ACCSL: variants seen among roughly 807,000 people sequenced by gnomAD.
ACCSL encodes probable inactive 1-aminocyclopropane-1-carboxylate synthase-like protein 2.
Under a neutral mutation model 61.7 loss-of-function variants are expected in ACCSL, and 55 were observed. That is an observed-to-expected ratio of 0.89 (90% CI 0.72 to 1.12). The LOEUF (loss-of-function observed/expected upper bound fraction) is 1.12. Ranked by LOEUF, ACCSL falls within the 50% of genes most tolerant of loss-of-function variation. The pLI, the probability that ACCSL is intolerant of heterozygous loss-of-function variation, is 0.00. For synonymous variants in ACCSL, 258 were observed against 264.3 expected, an observed-to-expected ratio of 0.98 and a Z score of 0.23; for missense variants, 632 against 698.0, an observed-to-expected ratio of 0.91 and a Z score of 1.07.
At chr11:43,933,040 T>G in the ACCSL span, 2 of 455,042 alleles carry the variant, frequency 4.4e-6, no homozygotes, top group African/African-American at 4.0e-5. Context: ...CCTCTGACCC[T>G]CTTGCTTCTG....
the ACCSL span, among the ~76,000 whole-genome samples, chr11:44,041,928 T>C: frequency 6.6e-6 from 1 of 152,218 alleles, no homozygotes; most frequent in African/African-American, 2.4e-5. Flanking sequence ...GGTATCTTTT[T>C]AGCATCTATA....
chr11:43,942,874 G>A, the ACCSL span: 4 of 1,265,030 alleles, frequency 3.2e-6, no homozygotes, highest in African/African-American at 1.6e-5. Flanking sequence ...CCGGCGCCCC[G>A]CCGCCCGGCC....
chr11:43,995,838 A>G, the ACCSL span, among the ~76,000 whole-genome samples: 1 of 152,252 alleles, frequency 6.6e-6, no homozygotes, highest in Non-Finnish European at 1.5e-5. Context: ...AGAGCCATGT[A>G]TTATGAGTTG....
chr11:44,009,203 G>T, the ACCSL span, among the ~76,000 whole-genome samples: 1 of 151,958 alleles, frequency 6.6e-6, no homozygotes, highest in Non-Finnish European at 1.5e-5. Context: ...AATGCCTAGT[G>T]CTCCATAAAT....
intron 8 of ACCSL, 99 bp downstream of exon 8, chr11:44,053,605 G>A (rs1181125396): frequency 2.5e-5 from 28 of 1,122,966 alleles, no homozygotes; most frequent in Non-Finnish European, 3.6e-5. Context: ...GCACATGCCT[G>A]TAATCCCAGC....
the ACCSL span, among the ~76,000 whole-genome samples, chr11:44,002,379 T>C: frequency 6.6e-6 from 1 of 152,202 alleles, no homozygotes. Context: ...TGACCCACTC[T>C]TTGGAAGAAG....
chr11:44,018,705 T>C, the ACCSL span, among the ~76,000 whole-genome samples: 1 of 152,242 alleles, frequency 6.6e-6, no homozygotes, highest in South Asian at 2.1e-4. Context: ...ACCTTTTTCA[T>C]GCCTGTAATC....
chr11:43,962,846 C>G, the ACCSL span, among the ~76,000 whole-genome samples: 1 of 152,174 alleles, frequency 6.6e-6, no homozygotes, highest in Non-Finnish European at 1.5e-5. Context: ...AACTGCTTAG[C>G]GTCACCAGAT....
At chr11:44,026,767 T>A in the ACCSL span, among the ~76,000 whole-genome samples, 1 of 152,182 alleles carries the variant, frequency 6.6e-6, no homozygotes, top group Non-Finnish European at 1.5e-5. Flanking sequence ...TTCACTCTTG[T>A]TGCCCAAGCT....
At chr11:44,035,587 A>C in the ACCSL span, among the ~76,000 whole-genome samples, 32 of 152,296 alleles carry the variant, frequency 2.1e-4, no homozygotes, top group African/African-American at 7.5e-4. Flanking sequence ...AGATCTTCAC[A>C]GTCTGGGTCT....
the ACCSL span, among the ~76,000 whole-genome samples, chr11:43,999,130 A>G: frequency 6.6e-6 from 1 of 152,180 alleles, no homozygotes; most frequent in South Asian, 2.1e-4. Flanking sequence ...GAGATATTGA[A>G]TGTTAAGCGC....
the ACCSL span, chr11:43,943,594 C>T: frequency 7.6e-7 from 1 of 1,309,534 alleles, no homozygotes; most frequent in Non-Finnish European, 1.0e-6. The surrounding 1 kb of genome is among the most constrained non-coding windows in gnomAD (Gnocchi z 4.8). Flanking sequence ...GGTAGCCACT[C>T]CATGCCCTTG....
At chr11:43,978,789 T>G in the ACCSL span, among the ~76,000 whole-genome samples, 6 of 98,204 alleles carry the variant, frequency 6.1e-5, no homozygotes, top group African/African-American at 2.8e-4. Context: ...GTGGGTTTTT[T>G]TTTTTTTTTT....
At chr11:44,018,857 A>G in the ACCSL span, among the ~76,000 whole-genome samples, 1 of 152,310 alleles carries the variant, frequency 6.6e-6, no homozygotes, top group South Asian at 2.1e-4. Context: ...AAAATATACA[A>G]TTCAGCATTT....
chr11:44,059,371 A>T (rs1419629308), intron 13 of ACCSL, among the ~76,000 whole-genome samples: 5 of 152,224 alleles, frequency 3.3e-5, no homozygotes, highest in Non-Finnish European at 7.3e-5. Context: ...GAGAGTTTAG[A>T]TTCTCCTCTG....
At chr11:43,934,224 A>G in the ACCSL span, among the ~76,000 whole-genome samples, 1 of 152,174 alleles carries the variant, frequency 6.6e-6, no homozygotes, top group Non-Finnish European at 1.5e-5. Flanking sequence ...AAACACTTTT[A>G]TGCTCCCAGT....
chr11:44,017,266 A>G, the ACCSL span, among the ~76,000 whole-genome samples: 1 of 152,162 alleles, frequency 6.6e-6, no homozygotes. Flanking sequence ...ACTAGGTTAG[A>G]AGAAGGGAGC....
chr11:43,924,185 G>GT, the ACCSL span, among the ~76,000 whole-genome samples: 1 of 152,194 alleles, frequency 6.6e-6, no homozygotes, highest in African/African-American at 2.4e-5. Context: ...GGCTGTTTTT[G>GT]TTTTTTCTAA....
the ACCSL span, among the ~76,000 whole-genome samples, chr11:43,939,606 G>A: frequency 1.3e-4 from 20 of 150,010 alleles, no homozygotes; most frequent in African/African-American, 4.6e-4. Flanking sequence ...ATACACAGAA[G>A]TCAACTTATT....
Sources: gnomAD v4.1 joint callset for allele counts (sites outside exome capture counted in the v4.1 genomes callset) on GRCh38, gnomAD v4.1.1 for gene constraint, Gnocchi (gnomAD v3.1) non-coding constraint, MANE v1.5 for transcripts, NCBI Gene and HGNC (gene_info 2026-07-23, HGNC 2026-07-21) for gene names.